CCR7: variants seen among roughly 807,000 people sequenced by gnomAD.
CCR7 encodes the protein C-C motif chemokine receptor 7.
Under a neutral mutation model 26.0 loss-of-function variants are expected in CCR7, and 11 were observed. That is an observed-to-expected ratio of 0.42 (90% CI 0.27 to 0.70). The LOEUF (loss-of-function observed/expected upper bound fraction) is 0.70. Among genes scored for constraint, CCR7 ranks in the 30% least tolerant of loss-of-function variants. The pLI is 0.23. For synonymous variants in CCR7, 189 were observed against 202.1 expected (o/e 0.94, Z 0.55); for missense variants, 360 against 504.0 (o/e 0.71, Z 2.74).
At position 40,555,669 on chromosome 17, in the gene CCR7, G is replaced by A. The variant is rs367712364; in HGVS notation, c.210C>T (p.Phe70=). Residue 70 remains phenylalanine (F), a synonymous_variant, in exon 3 of 3, where the codon TTC becomes TTT. Coordinates refer to ENST00000246657, the MANE Select transcript of CCR7 (RefSeq NM_001838.4). The surrounding 1 kb of genome is among the most constrained non-coding windows in gnomAD (Gnocchi z 5.6). ...CCAGCCCATTGCCCAGTAGGCCCAC[G>A]AAACAAATGATGGAGTACATGATAG... is the stretch of plus-strand genomic sequence containing the variant. ...FLPIMYSIIC[F]VGLLGNGLVV... is the part of the protein sequence containing the mutation. The A allele has an allele frequency of 2.6e-5, 42 of 1,614,020 alleles. No individual in the cohort carries two copies. Among genetic ancestry groups the A allele is most frequent in the South Asian group, 4.4e-5 (4 of 91,076 alleles).
intron 1 of CCR7, among the ~76,000 whole-genome samples, chr17:40,565,128 G>A (rs2036695619): frequency 6.6e-6 from 1 of 152,086 alleles, no homozygotes. Flanking sequence ...TGTCCCTGCT[G>A]TTTTAGAAAG....
At chr17:40,559,884 G>A (rs1249475145) in intron 1 of CCR7, among the ~76,000 whole-genome samples, 2 of 152,202 alleles carry the variant, frequency 1.3e-5, no homozygotes, top group African/African-American at 4.8e-5. Flanking sequence ...GTGGGGGAAG[G>A]ACGCTCTTTC....
chr17:40,563,770 A>C (rs144905753), intron 1 of CCR7, among the ~76,000 whole-genome samples: 2 of 152,128 alleles, frequency 1.3e-5, no homozygotes, highest in African/African-American at 4.8e-5. Flanking sequence ...CTCTCCCTGC[A>C]TCAAAGCCTA....
At chr17:40,564,141 T>A (rs2036682338) in intron 1 of CCR7, among the ~76,000 whole-genome samples, 2 of 152,016 alleles carry the variant, frequency 1.3e-5, no homozygotes, top group Admixed American at 1.3e-4. Flanking sequence ...TAAGGGTAGA[T>A]TGGCTGGGAA....
rs1348460473 is a variant in CCR7, at chr17:40,555,680, T to C, written c.199A>G (p.Ile67Val). 1 of 1,614,082 alleles carries C rather than the reference T, an allele frequency of 6.2e-7. No homozygotes were observed. The highest frequency in any genetic ancestry group is 8.5e-7 in the Non-Finnish European group (1 of 1,180,006). The change falls in exon 3 of 3, where the codon ATC becomes GTC. Residue 67 changes from isoleucine to valine, a missense_variant. Coordinates refer to ENST00000246657, the MANE Select transcript of CCR7 (RefSeq NM_001838.4). This position sits in a 1 kb window ranked among gnomAD's most constrained non-coding sequence, Gnocchi z 5.6. ...CCCAGTAGGCCCACGAAACAAATGA[T>C]GGAGTACATGATAGGGAGGAACCAG... ...KAWFLPIMYSIICFVGLLGNG... is the reference protein window; with the variant it reads ...KAWFLPIMYSVICFVGLLGNG...
At chr17:40,564,206 G>A (rs577716478) in intron 1 of CCR7, among the ~76,000 whole-genome samples, 2 of 152,128 alleles carry the variant, frequency 1.3e-5, no homozygotes, top group Non-Finnish European at 1.5e-5. Context: ...TTCTTGATAC[G>A]GTGTATTCAT....
chr17:40,557,587 G>T (rs1041746714), intron 2 of CCR7, among the ~76,000 whole-genome samples: 1 of 152,198 alleles, frequency 6.6e-6, no homozygotes, highest in African/African-American at 2.4e-5. Flanking sequence ...GAGCCCTGAA[G>T]GAGGCTGCTG....
In CCR7 at chr17:40,555,986, G is replaced by A. The variant is rs546289782; in HGVS notation, c.61-168C>T. On this transcript the variant is annotated intron_variant, in intron 2 of 2. Coordinates refer to ENST00000246657, the MANE Select transcript of CCR7 (RefSeq NM_001838.4). This position sits in a 1 kb window ranked among gnomAD's most constrained non-coding sequence, Gnocchi z 5.6. ...AGTGGTGCAATCATGGCTCCCTGCA[G>A]CCTCGGCCTCTCCAGGCTCAGGTGA... Among the ~76,000 whole-genome samples the A allele has an allele frequency of 6.6e-6, 1 of 151,906 alleles. No homozygotes were observed. The highest frequency in any genetic ancestry group is 2.4e-5 in the African/African-American group (1 of 41,414).
At position 40,565,467 on chromosome 17, in the gene CCR7, CT is replaced by C; in HGVS notation, c.-59del. Reference sequence around the variant, plus strand: ...GGCTGTGCCCGGCCTCGCACTACCCCTGTCTGGGGAGGAAGTGGTTCAAGCC... The same window carrying C: ...GGCTGTGCCCGGCCTCGCACTACCCCGTCTGGGGAGGAAGTGGTTCAAGCC... On this transcript the variant is annotated 5_prime_UTR_variant, in exon 1 of 3. Coordinates refer to ENST00000246657, the MANE Select transcript of CCR7 (RefSeq NM_001838.4). The C allele has an allele frequency of 6.3e-7, 1 of 1,584,562 alleles. No homozygotes were observed. Among genetic ancestry groups the C allele is most frequent in the African/African-American group, 1.3e-5 (1 of 74,458 alleles).
At chr17:40,562,956 C>A (rs911213972) in intron 1 of CCR7, among the ~76,000 whole-genome samples, 2 of 152,168 alleles carry the variant, frequency 1.3e-5, no homozygotes, top group African/African-American at 4.8e-5. Flanking sequence ...ACCTTGTCGG[C>A]CTCTGATGGC....
chr17:40,564,683 G>A (rs912846668), intron 1 of CCR7, among the ~76,000 whole-genome samples: 13 of 152,326 alleles, frequency 8.5e-5, no homozygotes, highest in South Asian at 6.2e-4. Flanking sequence ...CAGAGTGCGT[G>A]AGGTTTGCTC....
At chr17:40,563,327 C>T (rs2036673350) in intron 1 of CCR7, among the ~76,000 whole-genome samples, 1 of 152,204 alleles carries the variant, frequency 6.6e-6, no homozygotes, top group Non-Finnish European at 1.5e-5. Context: ...GAATTAGCTT[C>T]AGCATCCCCC....
Position 40,561,107 on chromosome 17 carries a change from A to C in CCR7, c.11-2165T>G, listed in dbSNP as rs371386117. ...CTGTCAGGGAGAAATGAGAAACCTC[A>C]AAGTTTTGATAAGTCACAACGGGTG... is the stretch of plus-strand genomic sequence containing the variant. On this transcript the variant is annotated intron_variant, in intron 1 of 2. Transcript: ENST00000246657. 5 of 152,272 alleles carry C rather than the reference A, an allele frequency of 3.3e-5. No individual in the cohort carries two copies. In the East Asian group the frequency reaches 5.8e-4, roughly 18 times the overall value. 9.4% of individuals were successfully genotyped at this position (152,272 alleles called of 1,614,324 possible).
At chr17:40,557,866 C>T (rs1404167810) in intron 2 of CCR7, among the ~76,000 whole-genome samples, 6 of 152,252 alleles carry the variant, frequency 3.9e-5, no homozygotes, top group Non-Finnish European at 8.8e-5. Context: ...GAATGAGCCT[C>T]AGCTGTCCTC....
At position 40,555,892 on chromosome 17, in the gene CCR7, G is replaced by C. The variant is rs1362225941; in HGVS notation, c.61-74C>G. 2.0e-6 allele frequency: 2 copies of C among 995,420 alleles called. No homozygotes were observed. The highest frequency in any genetic ancestry group is 1.6e-5 in the African/African-American group (1 of 61,358). 61.7% of individuals were successfully genotyped at this position (995,420 alleles called of 1,614,324 possible). On this transcript the variant is annotated intron_variant, in intron 2 of 2. Transcript: ENST00000246657. This position sits in a 1 kb window ranked among gnomAD's most constrained non-coding sequence, Gnocchi z 5.6. ...CCAACTCTGGCTGGGATTTAGCCTA[G>C]AGCAGTGGTTTCTTTCTTTTTTTTT...
intron 1 of CCR7, among the ~76,000 whole-genome samples, chr17:40,564,959 A>G (rs1416037114): frequency 6.6e-6 from 1 of 152,042 alleles, no homozygotes; most frequent in Non-Finnish European, 1.5e-5. Context: ...GGCAGGGGAG[A>G]AAGGTGGGAA....
intron 2 of CCR7, among the ~76,000 whole-genome samples, chr17:40,557,624 C>T (rs996104652): frequency 1.3e-5 from 2 of 152,336 alleles, no homozygotes; most frequent in East Asian, 3.9e-4. Context: ...GGTTACGGCC[C>T]AAGGCCTTAG....
intron 1 of CCR7, among the ~76,000 whole-genome samples, chr17:40,564,183 A>G (rs1018002233): frequency 4.6e-5 from 7 of 152,214 alleles, no homozygotes; most frequent in Non-Finnish European, 1.0e-4. Flanking sequence ...TTCAAAAACT[A>G]AACTCTACGG....
In CCR7 at chr17:40,554,291, C is replaced by CGG; in HGVS notation, c.*450_*451insCC. ...TTCCTCACCAAGCCAAGAAGTCTCC[C>CGG]CACTATCTCTGGTCTTGGAGATAAG... On this transcript the variant is annotated 3_prime_UTR_variant, in exon 3 of 3. Coordinates refer to ENST00000246657, the MANE Select transcript of CCR7 (RefSeq NM_001838.4). The CGG allele has an allele frequency of 6.4e-6, 1 of 156,918 alleles. No individual in the cohort carries two copies. Among genetic ancestry groups the CGG allele is most frequent in the Non-Finnish European group, 1.4e-5 (1 of 71,028 alleles). The allele number at this position is 156,918 out of a possible 1,614,324, so 9.7% of individuals were successfully genotyped here.
Sources: allele counts gnomAD v4.1 joint callset (sites outside exome capture counted in the v4.1 genomes callset), GRCh38; gene constraint gnomAD v4.1.1; non-coding constraint Gnocchi (gnomAD v3.1); transcripts MANE v1.5; gene names NCBI Gene and HGNC (gene_info 2026-07-23, HGNC 2026-07-21).